Variants in LPA observed in about 807,000 individuals in gnomAD.
The protein encoded by LPA is lipoprotein(a).
LPA carries 199 observed loss-of-function variants against 197.9 expected under a neutral mutation model. The observed-to-expected ratio is 1.01, with a 90% CI of 0.90 to 1.13. The LOEUF (loss-of-function observed/expected upper bound fraction) is 1.13. Ranked by LOEUF, LPA falls within the 50% of genes most tolerant of loss-of-function variation. The pLI is 0.00. For synonymous variants in LPA, 715 were observed against 639.5 expected (o/e 1.12, Z -1.78); for missense variants, 1,853 against 1,785.8 (o/e 1.04, Z -0.68).
At chr6:160,560,607 A>G (rs527577312) in intron 28 of LPA, among the ~76,000 whole-genome samples, 36 of 151,300 alleles carry the variant, frequency 2.4e-4, no homozygotes, top group African/African-American at 8.7e-4. Context: ...GTGTCTGTTC[A>G]TATCCTTTGC....
At chr6:160,559,034 C>CCCACAGAGTGAGAT (rs1367134442) in intron 28 of LPA, among the ~76,000 whole-genome samples, 2 of 152,178 alleles carry the variant, frequency 1.3e-5, no homozygotes, top group African/African-American at 4.8e-5. Context: ...GATATACTTT[C>CCCACAGAGTGAGAT]CCACAGAGTG....
At chr6:160,621,017 A>AT (rs747663378) in intron 12 of LPA, among the ~76,000 whole-genome samples, 1 of 74,864 alleles carries the variant, frequency 1.3e-5, no homozygotes, top group Non-Finnish European at 2.8e-5. Context: ...CCATACAGTA[A>AT]TTTTTTTCAA....
At chr6:160,606,415 A>G in intron 17 of LPA, 62 bp downstream of exon 17, 1 of 1,589,924 alleles carries the variant, frequency 6.3e-7, no homozygotes, top group South Asian at 1.1e-5. Context: ...CATCAGTGGG[A>G]ATTTCCATGG....
chr6:160,554,844 A>G (rs1049975732), intron 30 of LPA, among the ~76,000 whole-genome samples: 1 of 151,988 alleles, frequency 6.6e-6, no homozygotes, highest in Non-Finnish European at 1.5e-5. Flanking sequence ...CCCAAACTCC[A>G]GTCTCTTTCC....
intron 7 of LPA, among the ~76,000 whole-genome samples, chr6:160,634,918 T>C (rs866710197): frequency 6.7e-5 from 10 of 150,158 alleles, no homozygotes; most frequent in South Asian, 2.1e-4. Flanking sequence ...TTGTGCCCAT[T>C]CTAAAGACAA....
rs1306872767 is a variant in LPA, at chr6:160,588,111, T to C, written c.3947+1442A>G. 2.0e-5 allele frequency among the ~76,000 whole-genome samples: 3 copies of C among 152,144 alleles called. No individual in the cohort carries two copies. In the South Asian group the frequency reaches 6.2e-4, roughly 31 times the overall value. ...TCAATTCTATAATTTCTGGGCCTGT[T>C]TGTGTTGAGTGATTTTTTCTCCCAG... On this transcript the variant is annotated intron_variant, in intron 24 of 38. Transcript: ENST00000316300.
intron 37 of LPA, among the ~76,000 whole-genome samples, chr6:160,535,545 G>A (rs899219134): frequency 0.095 from 33 of 346 alleles, no homozygotes; most frequent in Middle Eastern, 0.5. Context: ...GGTGATGGTG[G>A]TAGTAGTGGT....
Position 160,650,318 on chromosome 6 carries a change from C to T in LPA, c.209+20G>A, listed in dbSNP as rs1311439876. ...TTTTACTTGGACCTTGTTTTGCTTACTGTAAGATTAATGACATACGCATTT... is the reference window on the plus strand; with the variant it reads ...TTTTACTTGGACCTTGTTTTGCTTATTGTAAGATTAATGACATACGCATTT... On this transcript the variant is annotated intron_variant, in intron 2 of 38. Transcript: ENST00000316300. 9 of 1,611,906 alleles carry T rather than the reference C, an allele frequency of 5.6e-6. No homozygotes were observed. Among genetic ancestry groups the T allele is most frequent in the Non-Finnish European group, 7.6e-6 (9 of 1,179,142 alleles).
chr6:160,601,967 G>A (rs1344708739), intron 18 of LPA, among the ~76,000 whole-genome samples: 1 of 152,156 alleles, frequency 6.6e-6, no homozygotes, highest in African/African-American at 2.4e-5. Context: ...AGGACCTCAG[G>A]CTGGGGAAAT....
chr6:160,647,133 A>C (rs369571945), intron 2 of LPA, among the ~76,000 whole-genome samples: 1 of 152,274 alleles, frequency 6.6e-6, no homozygotes, highest in East Asian at 1.9e-4. Context: ...CTCTCAGTCT[A>C]TCCTCTGCTG....
intron 2 of LPA, among the ~76,000 whole-genome samples, chr6:160,646,946 C>G (rs1233043477): frequency 2.0e-5 from 3 of 152,090 alleles, no homozygotes; most frequent in Non-Finnish European, 4.4e-5. Context: ...AGTGAAAAGG[C>G]TCTACCTTTC....
rs1307291668 is a variant in LPA at position 160,605,306 on chromosome 6, T to G, written c.2786-101A>C. 2.3e-5 allele frequency: 31 copies of G among 1,349,536 alleles called. No homozygotes were observed. The East Asian group carries it at 7.1e-4, about 31-fold the overall frequency. 83.6% of individuals were successfully genotyped at this position (1,349,536 alleles called of 1,614,324 possible). On this transcript the variant is annotated intron_variant, in intron 17 of 38. Transcript: ENST00000316300. ...ACCAGAAAAAAGTCTCTGAGAATTA[T>G]GACCTCAGGAGAATATGACAAGTAA...
intron 1 of LPA, among the ~76,000 whole-genome samples, chr6:160,655,192 A>T (rs1780111529): frequency 6.6e-6 from 1 of 152,218 alleles, no homozygotes. Context: ...CCACAGTCAA[A>T]CGTTCAGTTA....
chr6:160,569,101 A>G (rs1160022214), intron 28 of LPA, among the ~76,000 whole-genome samples: 3 of 152,194 alleles, frequency 2.0e-5, no homozygotes, highest in Non-Finnish European at 4.4e-5. Context: ...CAAGCTACCA[A>G]TGACTTTCTT....
At chr6:160,553,954 TGCGCGCGCGCGCGTGTGC>T (rs1291526863) in intron 30 of LPA, among the ~76,000 whole-genome samples, 3 of 130,744 alleles carry the variant, frequency 2.3e-5, no homozygotes, top group East Asian at 2.3e-4. Context: ...TGTGTGTGTG[TGCGCGCGCGCGCGTGTGC>T]GTGTGTGTGT....
rs1562319818 is a variant in LPA at position 160,555,289 on chromosome 6, ATG to A, written c.4973+734_4973+735del. Among the ~76,000 whole-genome samples, 182 of 111,734 alleles carry A rather than the reference ATG, an allele frequency of 1.6e-3. 2 individuals are homozygous for A. The highest frequency in any genetic ancestry group is 6.2e-3 in the African/African-American group (174 of 28,176). The allele number at this position is 111,734 out of a possible 152,430, so 73.3% of individuals were successfully genotyped here. On this transcript the variant is annotated intron_variant, in intron 30 of 38. Coordinates refer to ENST00000316300, the MANE Select transcript of LPA (RefSeq NM_005577.4). ...ATTATATTATATTATATTATATTAT[ATG>A]TTAGTGTGTGTGTGTGTGTGTGTGT...
intron 35 of LPA, among the ~76,000 whole-genome samples, chr6:160,540,616 G>GTTCCC (rs1777966121): frequency 6.6e-6 from 1 of 152,076 alleles, no homozygotes; most frequent in African/African-American, 2.4e-5. Flanking sequence ...CTCCTGCTCT[G>GTTCCC]GCCATGTGAC....
At chr6:160,647,080 C>T (rs1032787683) in intron 2 of LPA, among the ~76,000 whole-genome samples, 1 of 152,200 alleles carries the variant, frequency 6.6e-6, no homozygotes, top group Admixed American at 6.5e-5. Flanking sequence ...AGGCAGAATG[C>T]AGTATCTCTA....
At chr6:160,549,752 A>G (rs1392952822) in intron 30 of LPA, among the ~76,000 whole-genome samples, 1 of 152,194 alleles carries the variant, frequency 6.6e-6, no homozygotes, top group Non-Finnish European at 1.5e-5. Context: ...TCCTGGGCAG[A>G]ACCTCCTCTC....
Sources: gnomAD v4.1 joint callset for allele counts (sites outside exome capture counted in the v4.1 genomes callset) on GRCh38, gnomAD v4.1.1 for gene constraint, MANE v1.5 for transcripts, NCBI Gene and HGNC (gene_info 2026-07-23, HGNC 2026-07-21) for gene names.